The following EXOG variants were observed in gnomAD, a reference collection of about 807,000 sequenced individuals.
EXOG encodes the protein exo/endonuclease G.
Under a neutral mutation model 25.8 loss-of-function variants are expected in EXOG, and 27 were observed. That is an observed-to-expected ratio of 1.05 (90% confidence interval 0.77 to 1.45). The LOEUF (loss-of-function observed/expected upper bound fraction) is 1.45. Among genes scored for constraint, EXOG ranks in the 40% most tolerant of loss-of-function variants. The pLI, the probability that EXOG is intolerant of heterozygous loss-of-function variation, is 0.00. For missense variants in EXOG, 458 were observed against 450.5 expected (o/e 1.02, Z -0.15); for synonymous variants, 133 against 167.0 (o/e 0.80, Z 1.57).
At chr3:38,499,859 C>T (rs563545248) in intron 2 of EXOG, 9 of 353,806 alleles carry the variant, frequency 2.5e-5, no homozygotes, top group South Asian at 1.1e-4. Flanking sequence ...TGGGAGAAAG[C>T]GAGAATCCAA....
At chr3:38,499,323 A>G (rs1453451363) in intron 2 of EXOG, among the ~76,000 whole-genome samples, 1 of 152,238 alleles carries the variant, frequency 6.6e-6, no homozygotes, top group Non-Finnish European at 1.5e-5. Context: ...GTGCACAGCA[A>G]CCAGCAGAAT....
chr3:38,507,422 A>G (rs1441787250), intron 5 of EXOG, among the ~76,000 whole-genome samples: 1 of 152,214 alleles, frequency 6.6e-6, no homozygotes, highest in Non-Finnish European at 1.5e-5. Context: ...ATTTGTGGTC[A>G]ACATCAGGGT....
At position 38,524,211 on chromosome 3, in the gene EXOG, C is replaced by A. The variant is rs754865006; in HGVS notation, c.956C>A (p.Ala319Asp). Residue 319 changes from alanine to aspartate, a missense_variant, in exon 6 of 6, where the codon GCC becomes GAC. Coordinates refer to ENST00000287675, the MANE Select transcript of EXOG (RefSeq NM_005107.4). ...LYLSTRKIEG[A>D]RSVLRLEKIM... is the part of the protein sequence containing the mutation. ...TTGAGTACAAGAAAGATTGAAGGAG[C>A]CCGATCAGTGCTCAGACTGGAAAAG... is the stretch of plus-strand genomic sequence containing the variant. The A allele has an allele frequency of 1.9e-6, 3 of 1,613,932 alleles. No homozygotes were observed. The highest frequency in any genetic ancestry group is 2.7e-5 in the African/African-American group (2 of 74,884).
chr3:38,497,180 C>CT (rs1188882254), intron 1 of EXOG: 2 of 1,008,826 alleles, frequency 2.0e-6, no homozygotes, highest in Admixed American at 5.8e-5. Context: ...GAACTACCCC[C>CT]TTGGGGGGTT....
intron 2 of EXOG, 185 bp downstream of exon 2, chr3:38,497,963 G>C (rs1160746364): frequency 9.2e-6 from 6 of 654,452 alleles, no homozygotes; most frequent in African/African-American, 1.9e-5. Context: ...ACCCTTTCCA[G>C]CTGTCTCAGG....
intron 5 of EXOG, among the ~76,000 whole-genome samples, chr3:38,514,872 G>A (rs1575656020): frequency 7.0e-6 from 1 of 143,320 alleles, no homozygotes; most frequent in Non-Finnish European, 1.5e-5. Context: ...CCAGGTTCAA[G>A]CAATTCTTCT....
chr3:38,501,445 G>A lies in EXOG; in HGVS notation c.404G>A (p.Gly135Glu), dbSNP rs766423067. The change falls in exon 3 of 6, where the codon GGG becomes GAG. Residue 135 changes from glycine to glutamate, a missense_variant. Coordinates refer to ENST00000287675, the MANE Select transcript of EXOG (RefSeq NM_005107.4). Reference sequence around the variant, plus strand: ...TTCAATGAAGATTATGTTGGAAGTGGGTGGTCACGAGGACACATGGCTCCA... The same window carrying A: ...TTCAATGAAGATTATGTTGGAAGTGAGTGGTCACGAGGACACATGGCTCCA... ...SAFNEDYVGS[G>E]WSRGHMAPAG... 1.2e-5 allele frequency: 20 copies of A among 1,613,780 alleles called. No homozygotes were observed. The South Asian group carries it at 2.2e-4, about 18-fold the overall frequency.
chr3:38,507,710 G>T (rs891650703), intron 5 of EXOG, among the ~76,000 whole-genome samples: 1 of 152,158 alleles, frequency 6.6e-6, no homozygotes, highest in Non-Finnish European at 1.5e-5. Context: ...TTGAAGAAGA[G>T]ATTAGAGGCA....
At chr3:38,496,606 G>C in intron 1 of EXOG, 76 bp downstream of exon 1, 1 of 1,539,266 alleles carries the variant, frequency 6.5e-7, no homozygotes, top group Non-Finnish European at 8.7e-7. Flanking sequence ...GTGAATGGCA[G>C]TCCTTGACGG....
In EXOG at chr3:38,525,836, C is replaced by T. The variant is rs999342966; in HGVS notation, c.*1474C>T. On this transcript the variant is annotated 3_prime_UTR_variant, in exon 6 of 6. Coordinates refer to ENST00000287675, the MANE Select transcript of EXOG (RefSeq NM_005107.4). The stretch of plus-strand genomic sequence containing the variant: ...GTGCACACCTGTAGTCCCAGCTACT[C>T]GGGAGGCTGAAATGGGAGGATTGCT... 3 of 394,422 alleles carry T rather than the reference C, an allele frequency of 7.6e-6. No individual in the cohort carries two copies. The highest frequency in any genetic ancestry group is 1.6e-4 in the East Asian group (1 of 6,214). 24.4% of individuals were successfully genotyped at this position (394,422 alleles called of 1,614,324 possible).
intron 5 of EXOG, among the ~76,000 whole-genome samples, chr3:38,511,956 A>G (rs1172370987): frequency 2.0e-5 from 3 of 152,112 alleles, no homozygotes. Context: ...TGTTTTTTGT[A>G]TTCTTTGGTG....
intron 4 of EXOG, among the ~76,000 whole-genome samples, chr3:38,506,550 G>C (rs933491128): frequency 6.6e-6 from 1 of 152,170 alleles, no homozygotes; most frequent in African/African-American, 2.4e-5. Flanking sequence ...TTGAAAGCTG[G>C]TTGGGAACTA....
At chr3:38,512,512 T>C (rs903023517) in intron 5 of EXOG, among the ~76,000 whole-genome samples, 1 of 152,178 alleles carries the variant, frequency 6.6e-6, no homozygotes, top group Admixed American at 6.5e-5. Flanking sequence ...AATTATGAAA[T>C]TTATTGTTTA....
intron 1 of EXOG, chr3:38,496,903 C>G: frequency 8.4e-7 from 1 of 1,197,528 alleles, no homozygotes. Context: ...CTAACCAGCA[C>G]AGTACCTGGT....
Position 38,496,849 on chromosome 3 carries a change from A to G in EXOG, c.163+319A>G, listed in dbSNP as rs753569201. The G allele has an allele frequency of 6.1e-6, 8 of 1,322,040 alleles. No individual in the cohort carries two copies. In the Admixed American group the frequency reaches 1.6e-4, roughly 26 times the overall value. The allele number at this position is 1,322,040 out of a possible 1,614,324, so 81.9% of individuals were successfully genotyped here. ...GTCTGTGTTCTCTACTAAGATTGTT[A>G]GCTCCATAAGACTTGAGACTATGTC... On this transcript the variant is annotated intron_variant, in intron 1 of 5. Transcript: ENST00000287675.
At chr3:38,522,469 G>A (rs1457069667) in intron 5 of EXOG, among the ~76,000 whole-genome samples, 1 of 152,200 alleles carries the variant, frequency 6.6e-6, no homozygotes, top group Admixed American at 6.5e-5. Flanking sequence ...GTAAATAGAT[G>A]TTGAGTATTT....
intron 2 of EXOG, chr3:38,500,043 TC>T (rs1248316806): frequency 5.8e-6 from 1 of 173,582 alleles, no homozygotes; most frequent in Non-Finnish European, 1.2e-5. Flanking sequence ...AAGGGCTACA[TC>T]CTCAGGGAAG....
Position 38,498,590 on chromosome 3 carries a change from C to T in EXOG, c.313+812C>T, listed in dbSNP as rs183073589. Among the ~76,000 whole-genome samples, 11 of 151,468 alleles carry T rather than the reference C, an allele frequency of 7.3e-5. No homozygotes were observed. In the East Asian group the frequency reaches 1.9e-3, roughly 27 times the overall value. ...AAAAGTGTGATGAGAGATTATAACACAAGAACCTGATTTTGATTAGTAAGG... is the reference window on the plus strand; with the variant it reads ...AAAAGTGTGATGAGAGATTATAACATAAGAACCTGATTTTGATTAGTAAGG... On this transcript the variant is annotated intron_variant, in intron 2 of 5. Coordinates refer to ENST00000287675, the MANE Select transcript of EXOG (RefSeq NM_005107.4).
chr3:38,519,347 G>A (rs1322003213), intron 5 of EXOG: 5 of 152,310 alleles, frequency 3.3e-5, no homozygotes, highest in African/African-American at 1.2e-4. Context: ...GAAGATTCTG[G>A]TTTGGACATT....
Sources: gnomAD v4.1 joint callset for allele counts (sites outside exome capture counted in the v4.1 genomes callset) on GRCh38, gnomAD v4.1.1 for gene constraint, MANE v1.5 for transcripts, NCBI Gene and HGNC (gene_info 2026-07-23, HGNC 2026-07-21) for gene names.